TXNDC9: variants seen among roughly 807,000 people sequenced by gnomAD.
The protein encoded by TXNDC9 is thioredoxin domain containing 9.
A neutral mutation model predicts 23.0 loss-of-function variants in TXNDC9; 7 were observed. The ratio of observed to expected loss-of-function variants is 0.30; its 90% CI spans 0.17 to 0.57. The LOEUF (loss-of-function observed/expected upper bound fraction) is 0.57. Ranked by LOEUF, TXNDC9 falls within the 20% of genes least tolerant of loss-of-function variation. TXNDC9 has a pLI of 0.90. For missense variants in TXNDC9, 198 were observed against 252.6 expected (o/e 0.78, Z 1.47); for synonymous variants, 72 against 90.6 (o/e 0.79, Z 1.17).
intron 2 of TXNDC9, among the ~76,000 whole-genome samples, chr2:99,329,351 A>G (rs1424505041): frequency 6.6e-6 from 1 of 152,170 alleles, no homozygotes; most frequent in African/African-American, 2.4e-5. Flanking sequence ...CTTCCAGGAT[A>G]TCAACTAAAC....
the TXNDC9 span, among the ~76,000 whole-genome samples, chr2:99,313,702 G>A: frequency 6.6e-6 from 1 of 152,238 alleles, no homozygotes; most frequent in Non-Finnish European, 1.5e-5. Context: ...ATATAGGTGG[G>A]CATACAATGT....
At chr2:99,326,703 A>C (rs1211249683) in intron 3 of TXNDC9, among the ~76,000 whole-genome samples, 2 of 152,210 alleles carry the variant, frequency 1.3e-5, no homozygotes, top group Non-Finnish European at 1.5e-5. Context: ...AGGGTGGTCT[A>C]AGAAAAATCA....
the TXNDC9 span, among the ~76,000 whole-genome samples, chr2:99,313,618 A>C: frequency 1.3e-5 from 2 of 152,198 alleles, no homozygotes; most frequent in Non-Finnish European, 2.9e-5. Flanking sequence ...CTTGGGCAAC[A>C]GAGTAAGACC....
rs1179366908 is a variant in TXNDC9, at chr2:99,322,580, A to G, written c.309-371T>C. On this transcript the variant is annotated intron_variant, in intron 3 of 4. Transcript: ENST00000264255. Reference sequence around the variant, plus strand: ...ACTTACAAGAATCAGAAGTGCACACATGGTGCCATATTTGGAAGTCATGAA... The same window carrying G: ...ACTTACAAGAATCAGAAGTGCACACGTGGTGCCATATTTGGAAGTCATGAA... 3.3e-6 allele frequency: 5 copies of G among 1,531,772 alleles called. No homozygotes were observed. The African/African-American group carries it at 4.2e-5, about 13-fold the overall frequency. 94.9% of individuals were successfully genotyped at this position (1,531,772 alleles called of 1,614,324 possible).
rs1348599282 is a variant in TXNDC9, at chr2:99,336,123, G to A, written c.-33+116C>T. 1.5e-5 allele frequency: 13 copies of A among 895,734 alleles called. No homozygotes were observed. The East Asian group carries it at 1.2e-3, about 83-fold the overall frequency. The allele number at this position is 895,734 out of a possible 1,614,324, so 55.5% of individuals were successfully genotyped here. ...GCGCTTGCGCAAGAGCCTCTGCCAG[G>A]ACACCGACACCGGTGCTGGGGCCGC... On this transcript the variant is annotated intron_variant, in intron 1 of 4. Coordinates refer to ENST00000264255, the MANE Select transcript of TXNDC9 (RefSeq NM_005783.4).
chr2:99,333,306 C>A, intron 1 of TXNDC9, 64 bp from the exon 2 acceptor site: 1 of 1,404,660 alleles, frequency 7.1e-7, no homozygotes, highest in South Asian at 1.5e-5. Flanking sequence ...TTTTCTCTAC[C>A]ATTTTCAAAA....
chr2:99,306,752 A>C, the TXNDC9 span: 2 of 445,632 alleles, frequency 4.5e-6, no homozygotes, highest in East Asian at 1.4e-4. Flanking sequence ...GGTTCAGAAC[A>C]GGGGCCAGCA....
chr2:99,327,738 G>A (rs1342104241), intron 2 of TXNDC9, 85 bp from the exon 3 acceptor site: 7 of 709,450 alleles, frequency 9.9e-6, no homozygotes, highest in South Asian at 7.5e-5. Context: ...AATCACCATC[G>A]TATTTTGTAA....
At chr2:99,333,666 A>T (rs534228600) in intron 1 of TXNDC9, among the ~76,000 whole-genome samples, 1 of 152,350 alleles carries the variant, frequency 6.6e-6, no homozygotes, top group East Asian at 1.9e-4. Flanking sequence ...TTTTACACAT[A>T]AATATATATA....
At chr2:99,309,362 ACT>A in the TXNDC9 span, among the ~76,000 whole-genome samples, 4 of 151,938 alleles carry the variant, frequency 2.6e-5, no homozygotes, top group Non-Finnish European at 5.9e-5. Flanking sequence ...TGACAGTGAG[ACT>A]CTGTCTCGAA....
downstream of TXNDC9, among the ~76,000 whole-genome samples, chr2:99,318,539 C>G (rs12162367): frequency 0.83 from 126,767 of 152,064 alleles, 53,388 homozygotes; most frequent in Middle Eastern, 0.98. Context: ...TCCAGAGCTA[C>G]GGGTGGGGAC....
rs2094195721 is a variant in TXNDC9 at position 99,319,105 on chromosome 2, T to C, written c.*577A>G. The C allele has an allele frequency of 6.6e-6, 1 of 152,258 alleles. No homozygotes were observed. The highest frequency in any genetic ancestry group is 2.4e-5 in the African/African-American group (1 of 41,470). The allele number at this position is 152,258 out of a possible 1,614,324, so 9.4% of individuals were successfully genotyped here. ...TCAAAAGTGTTTCCTGGTTTCTTTT[T>C]AATGAATGTCTTAAAATACAAGCAA... On this transcript the variant is annotated 3_prime_UTR_variant, in exon 5 of 5. Coordinates refer to ENST00000264255, the MANE Select transcript of TXNDC9 (RefSeq NM_005783.4).
the TXNDC9 span, among the ~76,000 whole-genome samples, chr2:99,309,511 T>A: frequency 6.6e-6 from 1 of 151,678 alleles, no homozygotes; most frequent in Non-Finnish European, 1.5e-5. Flanking sequence ...CTTGTTTCAA[T>A]TAAAAAAAAA....
Position 99,322,199 on chromosome 2 carries a change from G to A in TXNDC9, c.319C>T (p.Leu107=), listed in dbSNP as rs2094203425. 2 of 1,613,748 alleles carry A rather than the reference G, an allele frequency of 1.2e-6. No homozygotes were observed. Among genetic ancestry groups the A allele is most frequent in the Admixed American group, 1.7e-5 (1 of 59,980 alleles). Residue 107 remains leucine, a synonymous_variant, in exon 4 of 5, where the codon CTA becomes TTA. Coordinates refer to ENST00000264255, the MANE Select transcript of TXNDC9 (RefSeq NM_005783.4). ...YRDSTFRCKI[L]DRHLAILSKK... is the part of the protein sequence containing the mutation. ...GACAATATTGCCAGATGTCTGTCTA[G>A]TATTTTACACCTGTAAGTGACCACA...
intron 3 of TXNDC9, among the ~76,000 whole-genome samples, chr2:99,326,258 T>C (rs572341107): frequency 6.6e-6 from 1 of 152,328 alleles, no homozygotes; most frequent in Admixed American, 6.5e-5. Flanking sequence ...TTTTATTCTC[T>C]TAGTCAATGA....
chr2:99,334,389 G>C (rs1318845618), intron 1 of TXNDC9, among the ~76,000 whole-genome samples: 2 of 152,124 alleles, frequency 1.3e-5, no homozygotes, highest in Non-Finnish European at 2.9e-5. Context: ...AAAACAATGA[G>C]AATACATTCT....
chr2:99,316,117 C>CTTTTTTTT (rs57142545), downstream of TXNDC9, among the ~76,000 whole-genome samples: 4 of 136,008 alleles, frequency 2.9e-5, no homozygotes, highest in Non-Finnish European at 3.2e-5. Context: ...ATTTCTTTTT[C>CTTTTTTTT]TTTTTTTTTT....
chr2:99,325,475 T>C (rs1251386397), intron 3 of TXNDC9, among the ~76,000 whole-genome samples: 1 of 152,216 alleles, frequency 6.6e-6, no homozygotes, highest in East Asian at 1.9e-4. Flanking sequence ...GCATCCTGCC[T>C]ACTATGTGCT....
downstream of TXNDC9, among the ~76,000 whole-genome samples, chr2:99,315,344 C>T (rs560971007): frequency 1.3e-5 from 2 of 152,100 alleles, no homozygotes; most frequent in Non-Finnish European, 2.9e-5. Context: ...GAATTACAGG[C>T]ATGAGCCACC....
Sources: gnomAD v4.1 joint callset for allele counts (sites outside exome capture counted in the v4.1 genomes callset) on GRCh38, gnomAD v4.1.1 for gene constraint, MANE v1.5 for transcripts, NCBI Gene and HGNC (gene_info 2026-07-23, HGNC 2026-07-21) for gene names.